The following LINGO1 variants were observed in gnomAD, a reference collection of about 807,000 sequenced individuals.
LINGO1 encodes the protein leucine-rich repeat and immunoglobulin-like domain-containing nogo receptor-interacting protein 1.
Under a neutral mutation model 37.3 loss-of-function variants are expected in LINGO1, and 11 were observed. That is an observed-to-expected ratio of 0.29 (90% CI 0.19 to 0.49). The LOEUF is 0.49. Among genes scored for constraint, LINGO1 ranks in the 20% least tolerant of loss-of-function variants. The pLI, the probability that LINGO1 is intolerant of heterozygous loss-of-function variation, is 0.99. For missense variants in LINGO1, 585 were observed against 878.2 expected (o/e 0.67, Z 4.22); for synonymous variants, 387 against 403.0 (o/e 0.96, Z 0.48).
intron 2 of LINGO1, among the ~76,000 whole-genome samples, chr15:77,680,276 G>A (rs571416185): frequency 6.6e-6 from 1 of 152,332 alleles, no homozygotes; most frequent in East Asian, 1.9e-4. Context: ...GTGAGTTCAT[G>A]TGGTAAACGG....
At position 77,664,174 on chromosome 15, in the gene LINGO1, C is replaced by CGCGCGT. The variant is rs1555527605; in HGVS notation, c.-13+12914_-13+12915insACGCGC. 8.4e-4 allele frequency among the ~76,000 whole-genome samples: 84 copies of CGCGCGT among 100,448 alleles called. 1 individual carries two copies. Among genetic ancestry groups the CGCGCGT allele is most frequent in the African/African-American group, 2.9e-3 (79 of 27,266 alleles). The allele number at this position is 100,448 out of a possible 152,430, so 65.9% of individuals were successfully genotyped here. On this transcript the variant is annotated intron_variant, in intron 3 of 3. Coordinates refer to the LINGO1 transcript ENST00000559893. ...GTGTGTGTGTGTGTGTGTGTGTGCGCGCGCGCATGCGTTTGCATTCTCAGC... is the reference window on the plus strand; with the variant it reads ...GTGTGTGTGTGTGTGTGTGTGTGCGCGCGCGTGCGCGCATGCGTTTGCATTCTCAGC...
intron 2 of LINGO1, among the ~76,000 whole-genome samples, chr15:77,687,990 T>C (rs1277237775): frequency 6.6e-6 from 1 of 152,112 alleles, no homozygotes; most frequent in Non-Finnish European, 1.5e-5. Flanking sequence ...CTCCTTGCTT[T>C]TAAGCCACCT....
chr15:77,807,839 C>T (rs1479561275), intron 1 of LINGO1, among the ~76,000 whole-genome samples: 1 of 151,942 alleles, frequency 6.6e-6, no homozygotes, highest in African/African-American at 2.4e-5. Flanking sequence ...ATTTTTCCAG[C>T]GTTCGTTTGT....
At chr15:77,761,532 C>CT (rs1334878880) in intron 1 of LINGO1, among the ~76,000 whole-genome samples, 1 of 152,188 alleles carries the variant, frequency 6.6e-6, no homozygotes, top group Non-Finnish European at 1.5e-5. Context: ...GGCTAAAGGG[C>CT]TTTTTTCTCC....
intron 1 of LINGO1, among the ~76,000 whole-genome samples, chr15:77,627,826 T>A (rs937126075): frequency 6.6e-6 from 1 of 152,156 alleles, no homozygotes; most frequent in African/African-American, 2.4e-5. Context: ...TCCTCCCTGA[T>A]TGCTCATATC....
chr15:77,715,356 G>C (rs2075971628), intron 2 of LINGO1, among the ~76,000 whole-genome samples: 1 of 152,200 alleles, frequency 6.6e-6, no homozygotes, highest in South Asian at 2.1e-4. Context: ...GGCCCAGCCT[G>C]AATATCACTG....
intron 2 of LINGO1, among the ~76,000 whole-genome samples, chr15:77,715,028 T>C (rs2075966963): frequency 6.6e-6 from 1 of 152,216 alleles, no homozygotes; most frequent in African/African-American, 2.4e-5. Context: ...TTCCCAGTGG[T>C]CCTGGATGCC....
chr15:77,616,971 G>A (rs2073747125), intron 1 of LINGO1, among the ~76,000 whole-genome samples: 1 of 152,154 alleles, frequency 6.6e-6, no homozygotes, highest in Non-Finnish European at 1.5e-5. Flanking sequence ...CCAGAGTTCT[G>A]CACAGCTGCT....
intron 1 of LINGO1, among the ~76,000 whole-genome samples, chr15:77,771,322 AT>A (rs2076582937): frequency 6.6e-6 from 1 of 152,060 alleles, no homozygotes; most frequent in Non-Finnish European, 1.5e-5. Context: ...TTATTAACCC[AT>A]TTTCCAGATG....
intron 1 of LINGO1, among the ~76,000 whole-genome samples, chr15:77,740,107 C>G (rs1182302363): frequency 6.6e-6 from 1 of 152,214 alleles, no homozygotes; most frequent in Admixed American, 6.5e-5. Context: ...GTGGGAGACA[C>G]ACTGGGATGA....
At chr15:77,773,864 G>A (rs2076610269) in intron 1 of LINGO1, among the ~76,000 whole-genome samples, 1 of 152,024 alleles carries the variant, frequency 6.6e-6, no homozygotes, top group South Asian at 2.1e-4. Flanking sequence ...AGGGGTCTCT[G>A]GCCCCCCACT....
intron 1 of LINGO1, among the ~76,000 whole-genome samples, chr15:77,796,813 C>T (rs541806816): frequency 1.3e-5 from 2 of 152,002 alleles, no homozygotes; most frequent in African/African-American, 2.4e-5. Context: ...TGGGCTCAAG[C>T]GATCCTCCCA....
upstream of LINGO1, among the ~76,000 whole-genome samples, chr15:77,698,765 C>T (rs182145504): frequency 2.4e-3 from 362 of 152,248 alleles, 1 homozygote; most frequent in Non-Finnish European, 2.7e-3. Context: ...TTAGGCCCAG[C>T]GGACTGTGGG....
Position 77,707,693 on chromosome 15 carries a change from C to T in LINGO1, c.-194-16792G>A, listed in dbSNP as rs544278326. Among the ~76,000 whole-genome samples the T allele has an allele frequency of 3.3e-5, 5 of 152,316 alleles. No individual in the cohort carries two copies. In the Middle Eastern group the frequency reaches 0.01, roughly 311 times the overall value. ...CCTCCAGAGTCCCACCCAGCTGTGA[C>T]GTTCTGCAACCACTGGGCAAGCTCC... On this transcript the variant is annotated intron_variant, in intron 2 of 3. Transcript: ENST00000561686.
At chr15:77,692,934 C>A (rs553736426) in intron 1 of LINGO1, among the ~76,000 whole-genome samples, 4 of 152,252 alleles carry the variant, frequency 2.6e-5, no homozygotes, top group Non-Finnish European at 2.9e-5. Context: ...TGCTACTGAA[C>A]ACGAAACGCC....
chr15:77,741,340 T>C (rs2076262268), intron 1 of LINGO1, among the ~76,000 whole-genome samples: 1 of 152,192 alleles, frequency 6.6e-6, no homozygotes, highest in Non-Finnish European at 1.5e-5. Context: ...CATTACACTG[T>C]CCTGAGAGGC....
At position 77,615,138 on chromosome 15, in the gene LINGO1, G is replaced by C. The variant is rs538668864; in HGVS notation, c.769C>G (p.Pro257Ala). The C allele has an allele frequency of 3.7e-6, 6 of 1,613,892 alleles. No individual in the cohort carries two copies. The highest frequency in any genetic ancestry group is 5.1e-6 in the Non-Finnish European group (6 of 1,179,896). Residue 257 changes from proline (P) to alanine (A), a missense_variant, in exon 2 of 2, where the codon CCC becomes GCC. Pro to Ala is a conservative substitution (Grantham distance 27). This residue lies in a region of LINGO1 where 484 missense variants were observed against 735.0 expected (regional missense o/e 0.66). Coordinates refer to ENST00000355300, the MANE Select transcript of LINGO1 (RefSeq NM_032808.7). ...AGGTTGAGGCCGTAGAGGCAGTTGGGTGTCATGGTGTCCAAGTAGGGCCAG... is the reference window on the plus strand; with the variant it reads ...AGGTTGAGGCCGTAGAGGCAGTTGGCTGTCATGGTGTCCAAGTAGGGCCAG... ...SHWPYLDTMT[P>A]NCLYGLNLTS... is the part of the protein sequence containing the mutation.
Position 77,683,265 on chromosome 15 carries a change from AC to A in LINGO1, c.-98-6092del, listed in dbSNP as rs199518276. On this transcript the variant is annotated intron_variant, in intron 2 of 3. Transcript: ENST00000559893. ...TATGGGGAAATGGTCACTCTCAGAT[AC>A]CAAGGGGGCAGCATCAGCTGGCCCA... 1.1e-3 allele frequency among the ~76,000 whole-genome samples: 164 copies of A among 152,288 alleles called. 3 individuals carry two copies. The East Asian group carries it at 0.023, about 22-fold the overall frequency.
chr15:77,792,279 G>A (rs1197327101), intron 2 of LINGO1, among the ~76,000 whole-genome samples: 3 of 152,136 alleles, frequency 2.0e-5, no homozygotes, highest in Non-Finnish European at 4.4e-5. Context: ...GTCTCCAAAC[G>A]CAAGCCCTCC....
Sources: allele counts gnomAD v4.1 joint callset (sites outside exome capture counted in the v4.1 genomes callset), GRCh38; gene constraint gnomAD v4.1.1; regional missense constraint gnomAD v4.1.1; transcripts MANE v1.5; gene names NCBI Gene and HGNC (gene_info 2026-07-23, HGNC 2026-07-21).